The following ANKS1A variants were observed in gnomAD, a reference collection of about 807,000 sequenced individuals.
ANKS1A encodes the protein ankyrin repeat and SAM domain-containing protein 1A.
In ANKS1A, 55 loss-of-function variants were observed where a neutral mutation model predicts 120.3. That is an observed-to-expected ratio of 0.46 (90% CI 0.37 to 0.57). The LOEUF (loss-of-function observed/expected upper bound fraction) is 0.57, where lower values mean the gene tolerates loss of function less well. Among genes scored for constraint, ANKS1A ranks in the 20% least tolerant of loss-of-function variants. ANKS1A has a pLI of 0.00. For synonymous variants in ANKS1A, 590 were observed against 604.7 expected, an observed-to-expected ratio of 0.98 and a Z score of 0.36; for missense variants, 1,123 against 1,480.3, an observed-to-expected ratio of 0.76 and a Z score of 3.96.
Position 35,091,197 on chromosome 6 carries a change from G to A in ANKS1A, c.*2588G>A, listed in dbSNP as rs1581774728. The A allele has an allele frequency of 5.1e-6, 5 of 985,830 alleles. No individual in the cohort carries two copies. In the African/African-American group the frequency reaches 5.2e-5, roughly 10 times the overall value. 61.1% of individuals were successfully genotyped at this position (985,830 alleles called of 1,614,324 possible). A position where few individuals can be genotyped will look rare whatever the true frequency, so the allele number is the denominator to read the frequency against. On this transcript the variant is annotated 3_prime_UTR_variant, in exon 24 of 24. Transcript: ENST00000360359. The stretch of plus-strand genomic sequence containing the variant: ...GAATGACTTTCCCTTTTGTTTTACT[G>A]TATATAAAATTGTTAATCTGTCTGA...
intron 1 of ANKS1A, among the ~76,000 whole-genome samples, chr6:34,963,413 G>A (rs1002580951): frequency 6.6e-6 from 1 of 152,102 alleles, no homozygotes; most frequent in Non-Finnish European, 1.5e-5. Flanking sequence ...TTACCATAAT[G>A]TCCTCTAGGT....
intron 11 of ANKS1A, among the ~76,000 whole-genome samples, chr6:35,046,229 C>G (rs1775715260): frequency 1.3e-5 from 2 of 152,086 alleles, no homozygotes; most frequent in African/African-American, 2.4e-5. Flanking sequence ...CTGGGGTTAG[C>G]CTGGGTTCCA....
chr6:35,020,696 C>T (rs1453940236), intron 11 of ANKS1A, among the ~76,000 whole-genome samples: 3 of 152,162 alleles, frequency 2.0e-5, no homozygotes, highest in Non-Finnish European at 4.4e-5. Flanking sequence ...CCAAGAAATA[C>T]AAAATCACCT....
At chr6:34,974,537 A>G (rs1044479233) in intron 3 of ANKS1A, among the ~76,000 whole-genome samples, 1 of 151,634 alleles carries the variant, frequency 6.6e-6, no homozygotes, top group African/African-American at 2.4e-5. Context: ...ATAGGAAGAT[A>G]CTCTTATCTT....
intron 1 of ANKS1A, among the ~76,000 whole-genome samples, chr6:34,955,144 C>CTT (rs11341017): frequency 6.8e-6 from 1 of 146,154 alleles, no homozygotes; most frequent in Non-Finnish European, 1.5e-5. Flanking sequence ...CTTTTCTTTT[C>CTT]TTTTTTTTTT....
intron 1 of ANKS1A, among the ~76,000 whole-genome samples, chr6:34,937,525 T>C (rs1769317182): frequency 6.6e-6 from 1 of 151,930 alleles, no homozygotes; most frequent in Non-Finnish European, 1.5e-5. Flanking sequence ...AGATCAGACA[T>C]GCTATTGTGG....
At chr6:35,012,047 A>G (rs1773786074) in intron 10 of ANKS1A, among the ~76,000 whole-genome samples, 1 of 152,164 alleles carries the variant, frequency 6.6e-6, no homozygotes. Context: ...GGCTAAAACC[A>G]TTTCATCAAA....
chr6:34,956,791 A>T (rs1460532022), intron 1 of ANKS1A, among the ~76,000 whole-genome samples: 2 of 152,112 alleles, frequency 1.3e-5, no homozygotes, highest in Non-Finnish European at 2.9e-5. Flanking sequence ...ACTGTTCCTA[A>T]TATTCCTGCG....
rs537193122 is a variant in ANKS1A at position 35,082,478 on chromosome 6, G to A, written c.2710-213G>A. 8.0e-4 allele frequency among the ~76,000 whole-genome samples: 121 copies of A among 152,156 alleles called. 1 individual carries two copies. The South Asian group carries it at 0.023, about 29-fold the overall frequency. On this transcript the variant is annotated intron_variant, in intron 17 of 23. Transcript: ENST00000360359. This position sits in a 1 kb window ranked among gnomAD's most constrained non-coding sequence, Gnocchi z 4.1. ...TCCTTCCCAAGCCCTGCTCTCAGGCGGTTTGGGTCCCTGCTGTGCCTCTGC... is the reference window on the plus strand; with the variant it reads ...TCCTTCCCAAGCCCTGCTCTCAGGCAGTTTGGGTCCCTGCTGTGCCTCTGC...
rs571547888 is a variant in ANKS1A, at chr6:35,078,160, G to A, written c.2185-398G>A. On this transcript the variant is annotated intron_variant, in intron 13 of 23. Coordinates refer to ENST00000360359, the MANE Select transcript of ANKS1A (RefSeq NM_015245.3). Reference sequence around the variant, plus strand: ...CACCAGCCACCCGCCTGAGGTGGTTGTTACAACCTTAGAATTATAAAATCC... The same window carrying A: ...CACCAGCCACCCGCCTGAGGTGGTTATTACAACCTTAGAATTATAAAATCC... Among the ~76,000 whole-genome samples, 3 of 152,302 alleles carry A rather than the reference G, an allele frequency of 2.0e-5. No individual in the cohort carries two copies. The South Asian group carries it at 6.2e-4, about 32-fold the overall frequency.
Position 35,060,369 on chromosome 6 carries a change from G to A in ANKS1A, c.2184+116G>A, listed in dbSNP as rs577147015. Reference sequence around the variant, plus strand: ...ACAGTACGTAGACCCAAATCCCAGGGAAAGCTCACTGAGGTCACTCAGACA... The same window carrying A: ...ACAGTACGTAGACCCAAATCCCAGGAAAAGCTCACTGAGGTCACTCAGACA... On this transcript the variant is annotated intron_variant, in intron 13 of 23. Transcript: ENST00000360359. This position sits in a 1 kb window ranked among gnomAD's most constrained non-coding sequence, Gnocchi z 4.5. 231 of 867,172 alleles carry A rather than the reference G, an allele frequency of 2.7e-4. No individual in the cohort carries two copies. Among genetic ancestry groups the A allele is most frequent in the Admixed American group, 4.1e-4 (17 of 41,224 alleles). 53.7% of individuals were successfully genotyped at this position (867,172 alleles called of 1,614,324 possible).
At chr6:34,920,763 CTCAGAG>C (rs1768394057) in intron 1 of ANKS1A, among the ~76,000 whole-genome samples, 2 of 152,250 alleles carry the variant, frequency 1.3e-5, no homozygotes, top group African/African-American at 4.8e-5. Context: ...ATGTAAAGTG[CTCAGAG>C]TCATTCGGCT....
At chr6:35,028,975 C>T (rs761901986) in intron 11 of ANKS1A, among the ~76,000 whole-genome samples, 16 of 152,202 alleles carry the variant, frequency 1.1e-4, no homozygotes, top group Non-Finnish European at 2.4e-4. Flanking sequence ...TACTTTCCTA[C>T]CCACAACATG....
chr6:34,990,272 T>C (rs78030332), intron 9 of ANKS1A, among the ~76,000 whole-genome samples: 5,029 of 152,206 alleles, frequency 0.033, 130 homozygotes, highest in African/African-American at 0.073. Flanking sequence ...AAGTCAGTGT[T>C]GGAGATAGGG....
rs1359667976 is a variant in ANKS1A, at chr6:35,049,972, T to C, written c.2011-4127T>C. 2.0e-5 allele frequency among the ~76,000 whole-genome samples: 3 copies of C among 152,158 alleles called. No individual in the cohort carries two copies. The East Asian group carries it at 5.8e-4, about 29-fold the overall frequency. On this transcript the variant is annotated intron_variant, in intron 11 of 23. Coordinates refer to ENST00000360359, the MANE Select transcript of ANKS1A (RefSeq NM_015245.3). ...CTTTCCCCTCCTTCAACTCCCAGTA[T>C]TTATTAAAAAGCTAGTTGTCATCTG...
rs2127619327 is a variant in ANKS1A at position 35,089,043 on chromosome 6, T to C, written c.*434T>C. On this transcript the variant is annotated 3_prime_UTR_variant, in exon 24 of 24. Coordinates refer to ENST00000360359, the MANE Select transcript of ANKS1A (RefSeq NM_015245.3). ...ATAGCCTCTGTCCTCAGGACGGAAC[T>C]TGGGTGCAGCTCAGTGGGTCGGAAG... 1 of 1,082,066 alleles carries C rather than the reference T, an allele frequency of 9.2e-7. No homozygotes were observed. Among genetic ancestry groups the C allele is most frequent in the Non-Finnish European group, 1.1e-6 (1 of 886,790 alleles). The allele number at this position is 1,082,066 out of a possible 1,614,324, so 67.0% of individuals were successfully genotyped here.
intron 11 of ANKS1A, among the ~76,000 whole-genome samples, chr6:35,025,414 A>G (rs1774571080): frequency 6.6e-6 from 1 of 152,010 alleles, no homozygotes. Flanking sequence ...ACTGGTGATG[A>G]GAAAACTGGT....
chr6:34,985,077 C>T lies in ANKS1A; in HGVS notation c.1013-5C>T. 6.2e-7 allele frequency: 1 copy of T among 1,611,366 alleles called. No individual in the cohort carries two copies. Among genetic ancestry groups the T allele is most frequent in the East Asian group, 2.2e-5 (1 of 44,850 alleles). On this transcript the variant is annotated splice_polypyrimidine_tract_variant and splice_region_variant and intron_variant, in intron 7 of 23. Coordinates refer to ENST00000360359, the MANE Select transcript of ANKS1A (RefSeq NM_015245.3). ...TGACTCTCTTGCCCTCCATCCTCCT[C>T]TCAGGTGACGTGGAGAAAGCAGTGA...
At chr6:35,030,117 G>A (rs1561925248) in intron 11 of ANKS1A, among the ~76,000 whole-genome samples, 1 of 152,098 alleles carries the variant, frequency 6.6e-6, no homozygotes, top group Non-Finnish European at 1.5e-5. Flanking sequence ...CATCTTCTAA[G>A]GATTGTATTT....
Sources: gnomAD v4.1 joint callset for allele counts (sites outside exome capture counted in the v4.1 genomes callset) on GRCh38, gnomAD v4.1.1 for gene constraint, Gnocchi (gnomAD v3.1) non-coding constraint, MANE v1.5 for transcripts, NCBI Gene and HGNC (gene_info 2026-07-23, HGNC 2026-07-21) for gene names.